The following EPHA1 variants were observed in gnomAD, a reference collection of about 807,000 sequenced individuals.
EPHA1 encodes the protein EPH receptor A1, also known as ephrin type-A receptor 1.
Under a neutral mutation model 110.1 loss-of-function variants are expected in EPHA1, and 92 were observed. The observed-to-expected ratio is 0.84, with a 90% CI of 0.71 to 0.99. The LOEUF (loss-of-function observed/expected upper bound fraction) is 0.99. EPHA1 is among the 50% of genes least tolerant of loss of function. EPHA1 has a pLI of 0.00. For missense variants in EPHA1, 1,204 were observed against 1,285.4 expected, an observed-to-expected ratio of 0.94 and a Z score of 0.97; for synonymous variants, 500 against 516.1, an observed-to-expected ratio of 0.97 and a Z score of 0.42.
rs756203512 is a variant in EPHA1, at chr7:143,398,061, G to A, written c.1474C>T (p.Arg492Trp). Residue 492 changes from arginine to tryptophan, a missense_variant, in exon 8 of 18, where the codon CGG (arginine) becomes TGG (tryptophan). By Grantham distance (101) the Arg-to-Trp change is moderately radical. Coordinates refer to ENST00000275815, the MANE Select transcript of EPHA1 (RefSeq NM_005232.5). ...CTGGGTTCTAGAACCATCTGGTACC[G>A]TTCTTCATCCTGTGGGTTGGAGTTG... is the stretch of plus-strand genomic sequence containing the variant. ...ELHVLNQDEE[R>W]YQMVLEPRVL... 1.1e-5 allele frequency: 17 copies of A among 1,613,950 alleles called. No individual in the cohort carries two copies. The highest frequency in any genetic ancestry group is 1.7e-5 in the Admixed American group (1 of 60,000).
In EPHA1 at chr7:143,395,313, T is replaced by C; in HGVS notation, c.2083+6A>G. On this transcript the variant is annotated splice_donor_region_variant and intron_variant, in intron 12 of 17. Coordinates refer to ENST00000275815, the MANE Select transcript of EPHA1 (RefSeq NM_005232.5). This position sits in a 1 kb window ranked among gnomAD's most constrained non-coding sequence, Gnocchi z 4.7. Reference sequence around the variant, plus strand: ...GCCCCCAGCTGAGGGAGACCACTCATCGTACGCTTTGTGACGACGCCTTCC... The same window carrying C: ...GCCCCCAGCTGAGGGAGACCACTCACCGTACGCTTTGTGACGACGCCTTCC... 1 of 1,614,162 alleles carries C rather than the reference T, an allele frequency of 6.2e-7. No individual in the cohort carries two copies. Among genetic ancestry groups the C allele is most frequent in the Non-Finnish European group, 8.5e-7 (1 of 1,180,022 alleles).
At position 143,394,868 on chromosome 7, in the gene EPHA1, C is replaced by T; in HGVS notation, c.2292G>A (p.Lys764=). Residue 764 remains lysine, a synonymous_variant, in exon 14 of 18, where the codon AAG becomes AAA. Coordinates refer to ENST00000275815, the MANE Select transcript of EPHA1 (RefSeq NM_005232.5). The part of the protein sequence containing the change: ...NILVNQNLCC[K]VSDFGLTRLL... ...GGCGAGTCAGGCCAAAGTCAGACAC[C>T]TTGCAGCACAGGTTTTGATTCACCA... 3 of 1,614,150 alleles carry T rather than the reference C, an allele frequency of 1.9e-6. No individual in the cohort carries two copies. Among genetic ancestry groups the T allele is most frequent in the Non-Finnish European group, 2.5e-6 (3 of 1,180,038 alleles).
chr7:143,399,944 A>C lies in EPHA1; in HGVS notation c.542T>G (p.Leu181Arg). Residue 181 changes from leucine to arginine, a missense_variant, in exon 4 of 18, where the codon CTC (leucine) becomes CGC (arginine). Physicochemically the swap from Leu to Arg is moderately radical, Grantham distance 102. Transcript: ENST00000275815. ...ACCCGGGTTGTGGAAAGCGAGGTAG[A>C]GGCCACGGCGGGTCAGGCGGCCCAG... The part of the protein sequence containing the change: ...CSLGRLTRRG[L>R]YLAFHNPGAC... 1 of 1,613,964 alleles carries C rather than the reference A, an allele frequency of 6.2e-7. No homozygotes were observed. Among genetic ancestry groups the C allele is most frequent in the Middle Eastern group, 1.6e-4 (1 of 6,062 alleles).
At position 143,395,493 on chromosome 7, in the gene EPHA1, C is replaced by A. The variant is rs1170878071; in HGVS notation, c.1909G>T (p.Glu637Ter). The A allele has an allele frequency of 5.6e-6, 9 of 1,614,020 alleles. No homozygotes were observed. The Admixed American group carries it at 1.3e-4, about 24-fold the overall frequency. The change falls in exon 12 of 18, where the codon GAA becomes TAA. Residue 637 changes from glutamate to a stop codon, truncating the protein, a stop_gained. Coordinates refer to ENST00000275815, the MANE Select transcript of EPHA1 (RefSeq NM_005232.5). LOFTEE classifies it high-confidence loss of function. This position sits in a 1 kb window ranked among gnomAD's most constrained non-coding sequence, Gnocchi z 4.7. The stretch of plus-strand genomic sequence containing the variant: ...AGCCTCAGGGTCCCTCGATACACTT[C>A]CCCAAACTCTCCTGGGTAGAAAGAA... ...DTVIGEGEFG[E>*]VYRGTLRLPS...
intron 9 of EPHA1, 34 bp from the exon 10 acceptor site, chr7:143,397,396 C>T (rs976791042): frequency 5.2e-6 from 8 of 1,549,546 alleles, no homozygotes; most frequent in Non-Finnish European, 7.0e-6. Context: ...CTTCAGGGCC[C>T]CAGGACCACC....
intron 2 of EPHA1, among the ~76,000 whole-genome samples, chr7:143,404,373 T>C (rs944860439): frequency 4.6e-5 from 7 of 152,124 alleles, no homozygotes; most frequent in Non-Finnish European, 8.8e-5. Flanking sequence ...CTCGCCACCA[T>C]GCCTGGCTAA....
rs1243542812 is a variant in EPHA1 at position 143,396,406 on chromosome 7, CCAT to C, written c.1873_1875del (p.Met625del). The C allele has an allele frequency of 6.2e-7, 1 of 1,613,010 alleles. No individual in the cohort carries two copies. Among genetic ancestry groups the C allele is most frequent in the Non-Finnish European group, 8.5e-7 (1 of 1,179,740 alleles). On this transcript the variant is annotated inframe_deletion, in exon 11 of 18. Transcript: ENST00000275815. ...TCACCTTCTCCTATGACAGTGTCCA[CCAT>C]CAGCCACGCTGGATCAAGCTCCCGG...
At chr7:143,396,331 C>T (rs1205411920) in intron 11 of EPHA1, 54 bp downstream of exon 11, 1 of 1,586,654 alleles carries the variant, frequency 6.3e-7, no homozygotes, top group East Asian at 2.3e-5. Context: ...CTGCTGGTGG[C>T]TCTGTGCTGC....
At chr7:143,403,425 T>C (rs962266510) in intron 2 of EPHA1, among the ~76,000 whole-genome samples, 1 of 152,200 alleles carries the variant, frequency 6.6e-6, no homozygotes, top group African/African-American at 2.4e-5. Flanking sequence ...TCTTACTTTT[T>C]TTTTTTAAAG....
Position 143,391,187 on chromosome 7 carries a change from A to G in EPHA1, c.*270T>C. 4.7e-6 allele frequency: 2 copies of G among 424,688 alleles called. No homozygotes were observed. The highest frequency in any genetic ancestry group is 7.4e-5 in the South Asian group (2 of 27,184). 26.3% of individuals were successfully genotyped at this position (424,688 alleles called of 1,614,324 possible). A position where few individuals can be genotyped will look rare whatever the true frequency, so the allele number is the denominator to read the frequency against. On this transcript the variant is annotated 3_prime_UTR_variant, in exon 18 of 18. Coordinates refer to ENST00000275815, the MANE Select transcript of EPHA1 (RefSeq NM_005232.5). The stretch of plus-strand genomic sequence containing the variant: ...GGAGGCAGAAAATCAGTTCCTGTTT[A>G]TTTACAAAAATATATATATGTGTAT...
chr7:143,401,348 C>T lies in EPHA1; in HGVS notation c.408G>A (p.Gln136=), dbSNP rs769210565. Residue 136 remains glutamine (Q), a synonymous_variant, in exon 3 of 18, where the codon CAG becomes CAA. Coordinates refer to ENST00000275815, the MANE Select transcript of EPHA1 (RefSeq NM_005232.5). The surrounding 1 kb of genome is among the most constrained non-coding windows in gnomAD (Gnocchi z 4.1). ...YMESDQDVGI[Q]LRRPLFQKVT... is the part of the protein sequence containing the mutation. ...CCTTCTGGAACAAGGGCCGTCGGAGCTGAATGCCCACATCCTGGTCACTCT... is the reference window on the plus strand; with the variant it reads ...CCTTCTGGAACAAGGGCCGTCGGAGTTGAATGCCCACATCCTGGTCACTCT... The T allele has an allele frequency of 1.2e-6, 2 of 1,614,040 alleles. No homozygotes were observed. The highest frequency in any genetic ancestry group is 1.1e-5 in the South Asian group (1 of 91,076).
At chr7:143,398,997 C>T in intron 5 of EPHA1, 52 bp from the exon 6 acceptor site, 1 of 1,481,210 alleles carries the variant, frequency 6.8e-7, no homozygotes, top group Admixed American at 2.2e-5. Context: ...GTCACCCGAG[C>T]TGCTGATCCC....
intron 9 of EPHA1, 74 bp from the exon 10 acceptor site, chr7:143,397,436 T>C (rs2116621513): frequency 1.3e-6 from 2 of 1,571,530 alleles, no homozygotes; most frequent in East Asian, 4.6e-5. Flanking sequence ...TGGCTGAATC[T>C]TCCCCAGAAA....
chr7:143,394,009 G>C (rs1428045633), intron 15 of EPHA1, 145 bp from the exon 16 acceptor site: 2 of 1,229,048 alleles, frequency 1.6e-6, no homozygotes, highest in Non-Finnish European at 2.2e-6. Flanking sequence ...CACAGTGGGA[G>C]GATCAGGGTG....
At chr7:143,399,218 C>G (rs1586583603) in intron 5 of EPHA1, 40 bp downstream of exon 5, 1 of 1,590,374 alleles carries the variant, frequency 6.3e-7, no homozygotes, top group East Asian at 2.2e-5. Context: ...AAGATCCAGC[C>G]CCTCCCTCCA....
At chr7:143,399,147 C>T in intron 5 of EPHA1, 111 bp downstream of exon 5, 2 of 1,433,924 alleles carry the variant, frequency 1.4e-6, no homozygotes, top group South Asian at 1.3e-5. Context: ...GCCTGACACC[C>T]TGGACCATCT....
intron 2 of EPHA1, among the ~76,000 whole-genome samples, chr7:143,405,429 A>ATG (rs200170882): frequency 3.7e-5 from 4 of 108,708 alleles, no homozygotes; most frequent in Non-Finnish European, 5.8e-5. Context: ...CTGCGTGTGC[A>ATG]TGTGTGCGTG....
rs1472955372 is a variant in EPHA1 at position 143,391,647 on chromosome 7, A to C, written c.2825T>G (p.Met942Arg). ...LHFHSAGLDT[M>R]ECVLELTAED... The stretch of plus-strand genomic sequence containing the variant: ...AGCGGTCAGCTCCAGCACACACTCC[A>C]TGGTGTCCAGCCCAGCCGAGTGGAA... The change falls in exon 17 of 18, where the codon ATG (methionine) becomes AGG (arginine). Residue 942 changes from methionine (M) to arginine (R), a missense_variant. Coordinates refer to ENST00000275815, the MANE Select transcript of EPHA1 (RefSeq NM_005232.5). 1 of 1,613,968 alleles carries C rather than the reference A, an allele frequency of 6.2e-7. No homozygotes were observed. The highest frequency in any genetic ancestry group is 8.5e-7 in the Non-Finnish European group (1 of 1,180,024).
In EPHA1 at chr7:143,399,919, AC is replaced by A; in HGVS notation, c.566del (p.Gly189ValfsTer20). 1 of 1,613,218 alleles carries A rather than the reference AC, an allele frequency of 6.2e-7. No homozygotes were observed. Among genetic ancestry groups the A allele is most frequent in the Non-Finnish European group, 8.5e-7 (1 of 1,179,554 alleles). ...GGACAGACACCAGGGCCACACAGGC[AC>A]CCGGGTTGTGGAAAGCGAGGTAGAG... ...RGLYLAFHNP[G>X]ACVALVSVRV... On this transcript the variant is annotated frameshift_variant, in exon 4 of 18. Coordinates refer to ENST00000275815, the MANE Select transcript of EPHA1 (RefSeq NM_005232.5). LOFTEE classifies it high-confidence loss of function.
Sources: allele counts gnomAD v4.1 joint callset (sites outside exome capture counted in the v4.1 genomes callset), GRCh38; gene constraint gnomAD v4.1.1; non-coding constraint Gnocchi (gnomAD v3.1); transcripts MANE v1.5; gene names NCBI Gene and HGNC (gene_info 2026-07-23, HGNC 2026-07-21).